Variants in DHRSX observed in about 807,000 individuals in gnomAD.
The protein encoded by DHRSX is polyprenol dehydrogenase.
Under a neutral mutation model 34.0 loss-of-function variants are expected in DHRSX, and 31 were observed. The observed-to-expected ratio is 0.91, with a 90% confidence interval of 0.69 to 1.23. DHRSX has a LOEUF of 1.23. DHRSX is among the 50% of genes most tolerant of loss of function. The probability of loss-of-function intolerance (pLI) is 0.00; values close to 1 mark genes in which losing one functional copy is unlikely to be tolerated. For missense variants in DHRSX, 414 were observed against 428.1 expected, an observed-to-expected ratio of 0.97 and a Z score of 0.29; for synonymous variants, 201 against 183.8, an observed-to-expected ratio of 1.09 and a Z score of -0.76.
Position 2,387,904 on chromosome X carries a change from C to CAAAAAAA in DHRSX, c.286+20834_286+20840dup, listed in dbSNP as rs557047764. On this transcript the variant is annotated intron_variant, in intron 3 of 6. Coordinates refer to ENST00000334651, the MANE Select transcript of DHRSX (RefSeq NM_145177.3). ...TACTCTGAGCCTCCACCCTCCCCTG[C>CAAAAAAA]AAAAAAAAAAAAAAAAAAAACGGGA... Among the ~76,000 whole-genome samples, 32 of 73,928 alleles carry CAAAAAAA rather than the reference C, an allele frequency of 4.3e-4. 1 individual carries two copies. Among genetic ancestry groups the CAAAAAAA allele is most frequent in the African/African-American group, 1.7e-3 (30 of 17,476 alleles). The allele number at this position is 73,928 out of a possible 152,430, so 48.5% of individuals were successfully genotyped here.
chrX:2,306,501 G>A lies in DHRSX; in HGVS notation c.287-14898C>T, dbSNP rs1017218237. On this transcript the variant is annotated intron_variant, in intron 3 of 6. Transcript: ENST00000334651. ...TTTTGAGGCAGAGTCTTGCTCTGTT[G>A]CCCAGGCTGGAGCGCAGTGGTGCGA... 4.4e-4 allele frequency among the ~76,000 whole-genome samples: 62 copies of A among 142,104 alleles called. No individual in the cohort carries two copies. The East Asian group carries it at 0.012, about 27-fold the overall frequency. The allele number at this position is 142,104 out of a possible 152,430, so 93.2% of individuals were successfully genotyped here.
At chrX:2,438,672 TAA>T (rs11449377) in intron 1 of DHRSX, among the ~76,000 whole-genome samples, 13 of 141,458 alleles carry the variant, frequency 9.2e-5, no homozygotes, top group African/African-American at 3.4e-4. Flanking sequence ...CATCTCAAAA[TAA>T]AAAAAAAAAA....
At chrX:2,295,587 C>G (rs1280440574) in intron 3 of DHRSX, among the ~76,000 whole-genome samples, 5 of 151,992 alleles carry the variant, frequency 3.3e-5, no homozygotes. Flanking sequence ...ACCAAAAAAA[C>G]AAGAAGAAAA....
intron 3 of DHRSX, among the ~76,000 whole-genome samples, chrX:2,296,079 G>A (rs1453552188): frequency 3.3e-5 from 5 of 152,212 alleles, no homozygotes; most frequent in Middle Eastern, 3.4e-3. Context: ...CTCTAGATCT[G>A]GCTTCCGCAA....
chrX:2,298,065 T>C (rs2041955961), intron 3 of DHRSX, among the ~76,000 whole-genome samples: 1 of 152,020 alleles, frequency 6.6e-6, no homozygotes, highest in South Asian at 2.1e-4. Flanking sequence ...CTGGGGTTTT[T>C]ATAAGGAGGA....
chrX:2,328,277 A>T (rs973959193), intron 3 of DHRSX, among the ~76,000 whole-genome samples: 2 of 151,658 alleles, frequency 1.3e-5, no homozygotes, highest in African/African-American at 4.9e-5. Flanking sequence ...CACCCAGTCT[A>T]TGGTATTCTG....
rs73628292 is a variant in DHRSX at position 2,308,496 on chromosome X, G to C, written c.287-16893C>G. Among the ~76,000 whole-genome samples the C allele has an allele frequency of 5.4e-3, 825 of 152,232 alleles. 7 individuals are homozygous for C. The highest frequency in any genetic ancestry group is 0.019 in the African/African-American group (799 of 41,542). ...GAAATGGCCCTAGTCACACAAGACA[G>C]CAATGATTGAAGTCTAAAACGTTAA... On this transcript the variant is annotated intron_variant, in intron 3 of 6. Transcript: ENST00000334651.
At chrX:2,271,804 G>A (rs1043404900) in intron 4 of DHRSX, among the ~76,000 whole-genome samples, 3 of 152,118 alleles carry the variant, frequency 2.0e-5, no homozygotes, top group African/African-American at 7.2e-5. Flanking sequence ...CACTTTCAGA[G>A]GGCGAAGCGG....
At chrX:2,391,665 C>G (rs902398838) in intron 3 of DHRSX, among the ~76,000 whole-genome samples, 3 of 152,168 alleles carry the variant, frequency 2.0e-5, no homozygotes, top group African/African-American at 7.2e-5. Flanking sequence ...CAAGAGGACT[C>G]CTGTAATCCC....
intron 3 of DHRSX, among the ~76,000 whole-genome samples, chrX:2,389,905 C>A (rs1034048182): frequency 6.6e-6 from 1 of 152,068 alleles, no homozygotes; most frequent in Middle Eastern, 3.2e-3. Flanking sequence ...CTCAGCCTCC[C>A]GAGGAGCTGG....
intron 1 of DHRSX, among the ~76,000 whole-genome samples, chrX:2,492,238 T>C (rs1421035848): frequency 1.3e-5 from 2 of 152,182 alleles, no homozygotes; most frequent in Non-Finnish European, 2.9e-5. Flanking sequence ...TTAGATGAGA[T>C]TATTCTCAAT....
chrX:2,437,542 T>G (rs2044006911), intron 1 of DHRSX, among the ~76,000 whole-genome samples: 1 of 151,356 alleles, frequency 6.6e-6, no homozygotes, highest in African/African-American at 2.4e-5. Flanking sequence ...AGAGCAAGGC[T>G]GCAGTGAGCC....
chrX:2,436,117 C>T lies in DHRSX; in HGVS notation c.110-10813G>A, dbSNP rs189465963. Among the ~76,000 whole-genome samples the T allele has an allele frequency of 3.2e-3, 492 of 151,692 alleles. 4 individuals carry two copies. The highest frequency in any genetic ancestry group is 0.011 in the African/African-American group (450 of 41,332). On this transcript the variant is annotated intron_variant, in intron 1 of 6. Coordinates refer to ENST00000334651, the MANE Select transcript of DHRSX (RefSeq NM_145177.3). ...CTGAGGCAGGAGAATCACTTGAACCCGGGAGGCAGAGGTAGCAGTGAGCCG... is the reference window on the plus strand; with the variant it reads ...CTGAGGCAGGAGAATCACTTGAACCTGGGAGGCAGAGGTAGCAGTGAGCCG...
At chrX:2,304,171 TGATGGATGGATG>T (rs1183236164) in intron 3 of DHRSX, among the ~76,000 whole-genome samples, 9 of 72,816 alleles carry the variant, frequency 1.2e-4, no homozygotes, top group African/African-American at 3.0e-4. Context: ...ATGGATGAAC[TGATGGATGGATG>T]GATGGATGGA....
chrX:2,496,131 G>C (rs1483113728), intron 1 of DHRSX, among the ~76,000 whole-genome samples: 1 of 152,220 alleles, frequency 6.6e-6, no homozygotes, highest in East Asian at 1.9e-4. Context: ...GCGTGGTGGC[G>C]ATAGTTAATA....
chrX:2,411,467 T>C (rs983097352), intron 2 of DHRSX, among the ~76,000 whole-genome samples: 1 of 149,594 alleles, frequency 6.7e-6, no homozygotes, highest in Non-Finnish European at 1.5e-5. Context: ...GAGAATTGCT[T>C]GAACCAGGAC....
At position 2,350,666 on chromosome X, in the gene DHRSX, C is replaced by T. The variant is rs2042778404; in HGVS notation, c.286+58079G>A. Among the ~76,000 whole-genome samples, 4 of 152,138 alleles carry T rather than the reference C, an allele frequency of 2.6e-5. No homozygotes were observed. The South Asian group carries it at 8.3e-4, about 32-fold the overall frequency. On this transcript the variant is annotated intron_variant, in intron 3 of 6. Coordinates refer to ENST00000334651, the MANE Select transcript of DHRSX (RefSeq NM_145177.3). Reference sequence around the variant, plus strand: ...TCTGCAGTCTGGGTACAACTGTGCACACCACAGCAGTTGTGCCTAGAGTTA... The same window carrying T: ...TCTGCAGTCTGGGTACAACTGTGCATACCACAGCAGTTGTGCCTAGAGTTA...
At chrX:2,433,115 C>CA (rs1004038641) in intron 1 of DHRSX, among the ~76,000 whole-genome samples, 32 of 146,988 alleles carry the variant, frequency 2.2e-4, no homozygotes, top group South Asian at 1.5e-3. Flanking sequence ...GACACTATCT[C>CA]AAAAAAAAAA....
intron 3 of DHRSX, among the ~76,000 whole-genome samples, chrX:2,340,474 G>A (rs2042627504): frequency 6.7e-6 from 1 of 149,576 alleles, no homozygotes; most frequent in Non-Finnish European, 1.5e-5. Context: ...ATATATATAT[G>A]ATGTCCATCA....
Sources: allele counts gnomAD v4.1 joint callset (sites outside exome capture counted in the v4.1 genomes callset), GRCh38; gene constraint gnomAD v4.1.1; transcripts MANE v1.5; gene names NCBI Gene and HGNC (gene_info 2026-07-23, HGNC 2026-07-21).